Variants in USP34 observed in about 807,000 individuals in gnomAD.
USP34 encodes ubiquitin carboxyl-terminal hydrolase 34.
USP34 carries 70 observed loss-of-function variants against 460.3 expected under a neutral mutation model. The observed-to-expected ratio is 0.15, with a 90% CI of 0.13 to 0.19. The LOEUF is 0.19. Among genes scored for constraint, USP34 ranks in the 10% least tolerant of loss-of-function variants. The pLI, the probability that USP34 is intolerant of heterozygous loss-of-function variation, is 1.00. For missense variants in USP34, 3,985 were observed against 4,236.2 expected, an observed-to-expected ratio of 0.94 and a Z score of 1.65; for synonymous variants, 1,647 against 1,405.3, an observed-to-expected ratio of 1.17 and a Z score of -3.85.
intron 10 of USP34, among the ~76,000 whole-genome samples, chr2:61,353,758 T>G (rs990565171): frequency 1.3e-5 from 2 of 151,858 alleles, no homozygotes; most frequent in African/African-American, 4.8e-5. Flanking sequence ...AAACTTTATC[T>G]CAAAGATAGT....
intron 32 of USP34, 77 bp from the exon 33 acceptor site, chr2:61,293,627 G>T: frequency 1.9e-6 from 2 of 1,030,528 alleles, no homozygotes; most frequent in Non-Finnish European, 2.9e-6. Context: ...TCAGTAACTG[G>T]ATATGTAAAA....
Position 61,195,663 on chromosome 2 carries a change from C to T in USP34, c.9509-2683G>A, listed in dbSNP as rs112134950. 6.4e-3 allele frequency among the ~76,000 whole-genome samples: 967 copies of T among 152,180 alleles called. 15 individuals carry two copies. Among genetic ancestry groups the T allele is most frequent in the African/African-American group, 0.021 (891 of 41,552 alleles). On this transcript the variant is annotated intron_variant, in intron 75 of 79. Transcript: ENST00000398571. The stretch of plus-strand genomic sequence containing the variant: ...CTCCAGCCTGGGTGACAGAGCCAGA[C>T]TCTGTCTCAAACAAAACAAAAAAAC...
intron 8 of USP34, among the ~76,000 whole-genome samples, chr2:61,376,172 T>C (rs986248948): frequency 3.0e-4 from 43 of 145,594 alleles, no homozygotes; most frequent in African/African-American, 1.2e-3. Context: ...TAAAATTCAT[T>C]GACTTGTATA....
intron 20 of USP34, among the ~76,000 whole-genome samples, chr2:61,327,264 T>C (rs926030865): frequency 6.6e-6 from 1 of 152,228 alleles, no homozygotes; most frequent in Admixed American, 6.5e-5. Context: ...TTATTAATGC[T>C]GGCAAAGAAA....
intron 76 of USP34, chr2:61,191,297 CT>C (rs1338367215): frequency 1.3e-5 from 2 of 152,080 alleles, no homozygotes; most frequent in Non-Finnish European, 2.9e-5. Context: ...AGTAGTATGT[CT>C]TTAAGCAGAT....
In USP34 at chr2:61,350,649, G is replaced by C; in HGVS notation, c.1296C>G (p.Leu432=). 2 of 1,613,750 alleles carry C rather than the reference G, an allele frequency of 1.2e-6. No homozygotes were observed. The highest frequency in any genetic ancestry group is 8.5e-7 in the Non-Finnish European group (1 of 1,179,860). Residue 432 remains leucine, a synonymous_variant, in exon 11 of 80, where the codon CTC becomes CTG. Transcript: ENST00000398571. Reference sequence around the variant, plus strand: ...GTGGTACGGGATCCAAATTCTTGATGAGTGAAGGAAATAAGTCATGTATAT... The same window carrying C: ...GTGGTACGGGATCCAAATTCTTGATCAGTGAAGGAAATAAGTCATGTATAT... ...SRYIHDLFPS[L]IKNLDPVPLR...
At position 61,190,427 on chromosome 2, in the gene USP34, A is replaced by G; in HGVS notation, c.9730-13T>C. 1.9e-6 allele frequency: 3 copies of G among 1,598,452 alleles called. No individual in the cohort carries two copies. The highest frequency in any genetic ancestry group is 2.6e-6 in the Non-Finnish European group (3 of 1,174,740). On this transcript the variant is annotated splice_polypyrimidine_tract_variant and intron_variant, in intron 77 of 79. Coordinates refer to ENST00000398571, the MANE Select transcript of USP34 (RefSeq NM_014709.4). ...CTTGACTTTGAACCTGAAAAAGAAG[A>G]TTTAAAAAAATCTCCAAAAGACCAG... is the stretch of plus-strand genomic sequence containing the variant.
chr2:61,197,759 G>A (rs549241728), intron 75 of USP34, among the ~76,000 whole-genome samples: 35 of 151,788 alleles, frequency 2.3e-4, no homozygotes, highest in Middle Eastern at 3.4e-3. Flanking sequence ...CACCAAGCCC[G>A]CCTTCTATTT....
chr2:61,384,664 C>A (rs1693081558), intron 5 of USP34, among the ~76,000 whole-genome samples: 1 of 151,930 alleles, frequency 6.6e-6, no homozygotes, highest in Non-Finnish European at 1.5e-5. Context: ...CACAGCAAGA[C>A]CATGTCTCAA....
intron 10 of USP34, among the ~76,000 whole-genome samples, chr2:61,356,502 C>CAT (rs1692112004): frequency 6.6e-6 from 1 of 150,852 alleles, no homozygotes; most frequent in African/African-American, 2.5e-5. Flanking sequence ...CACACACATA[C>CAT]ACACACACAC....
rs567212251 is a variant in USP34 at position 61,192,336 on chromosome 2, A to G, written c.9588+565T>C. ...CTCCTCTTCCCAATTCTGCCTTTGT[A>G]ACTTAACAAGCATTATTTATGCAGC... On this transcript the variant is annotated intron_variant, in intron 76 of 79. Transcript: ENST00000398571. Among the ~76,000 whole-genome samples the G allele has an allele frequency of 3.1e-4, 47 of 152,372 alleles. 1 individual carries two copies. In the South Asian group the frequency reaches 9.1e-3, roughly 30 times the overall value.
intron 10 of USP34, among the ~76,000 whole-genome samples, chr2:61,367,303 T>TGC (rs531895091): frequency 6.6e-6 from 1 of 151,462 alleles, no homozygotes; most frequent in African/African-American, 2.4e-5. Flanking sequence ...GAAGCACGAG[T>TGC]GCGCGCGCAC....
At chr2:61,300,475 C>A (rs373834668) in intron 29 of USP34, among the ~76,000 whole-genome samples, 28 of 150,938 alleles carry the variant, frequency 1.9e-4, no homozygotes, top group African/African-American at 6.8e-4. Context: ...GCGTGAGCCA[C>A]CGCCCCGGCC....
intron 1 of USP34, among the ~76,000 whole-genome samples, chr2:61,458,860 G>A (rs1695515041): frequency 2.0e-5 from 3 of 152,030 alleles, no homozygotes; most frequent in Admixed American, 2.0e-4. Flanking sequence ...GAGGTCAGGA[G>A]TTCAAGACCA....
At chr2:61,417,258 T>G in intron 2 of USP34, 1 of 1,162,476 alleles carries the variant, frequency 8.6e-7, no homozygotes, top group Non-Finnish European at 1.3e-6. Context: ...GTCTCCAAGG[T>G]CCCTTAGAGC....
intron 18 of USP34, among the ~76,000 whole-genome samples, chr2:61,334,725 T>G (rs1186851244): frequency 6.6e-6 from 1 of 152,080 alleles, no homozygotes; most frequent in Non-Finnish European, 1.5e-5. Context: ...CGCCAGGCAT[T>G]AAGTGGTTAT....
rs1689365867 is a variant in USP34 at position 61,276,138 on chromosome 2, C to T, written c.5433+2027G>A. Reference sequence around the variant, plus strand: ...AAAACTAAATCAACATCAAAATTGGCAAATATCTCAGTGACATAAGAATCT... The same window carrying T: ...AAAACTAAATCAACATCAAAATTGGTAAATATCTCAGTGACATAAGAATCT... On this transcript the variant is annotated intron_variant, in intron 41 of 79. Transcript: ENST00000398571. Among the ~76,000 whole-genome samples, 5 of 152,254 alleles carry T rather than the reference C, an allele frequency of 3.3e-5. No individual in the cohort carries two copies. In the South Asian group the frequency reaches 1.0e-3, roughly 32 times the overall value.
intron 8 of USP34, among the ~76,000 whole-genome samples, chr2:61,377,009 C>T (rs910515823): frequency 2.6e-5 from 4 of 152,188 alleles, no homozygotes; most frequent in African/African-American, 9.7e-5. Context: ...TGAAACAACA[C>T]TTCTAATATA....
rs935929099 is a variant in USP34, at chr2:61,222,548, T to G, written c.7794+71A>C. 3 of 1,258,492 alleles carry G rather than the reference T, an allele frequency of 2.4e-6. No homozygotes were observed. In the African/African-American group the frequency reaches 4.5e-5, roughly 19 times the overall value. The allele number at this position is 1,258,492 out of a possible 1,614,324, so 78.0% of individuals were successfully genotyped here. A position where few individuals can be genotyped will look rare whatever the true frequency, so the allele number is the denominator to read the frequency against. ...TGATAAATTTGTTCTCGAGAACAATTAGGCTCATTTGAAAGCATTAGCAGT... is the reference window on the plus strand; with the variant it reads ...TGATAAATTTGTTCTCGAGAACAATGAGGCTCATTTGAAAGCATTAGCAGT... On this transcript the variant is annotated intron_variant, in intron 65 of 79. Coordinates refer to ENST00000398571, the MANE Select transcript of USP34 (RefSeq NM_014709.4).
Sources: gnomAD v4.1 joint callset for allele counts (sites outside exome capture counted in the v4.1 genomes callset) on GRCh38, gnomAD v4.1.1 for gene constraint, MANE v1.5 for transcripts, NCBI Gene and HGNC (gene_info 2026-07-23, HGNC 2026-07-21) for gene names.